AVEN: variants seen among roughly 807,000 people sequenced by gnomAD.
AVEN encodes the protein apoptosis and caspase activation inhibitor.
A neutral mutation model predicts 38.1 loss-of-function variants in AVEN; 41 were observed. The ratio of observed to expected loss-of-function variants is 1.08; its 90% CI spans 0.84 to 1.40. The LOEUF (loss-of-function observed/expected upper bound fraction) is 1.40, where lower values mean the gene tolerates loss of function less well. Ranked by LOEUF, AVEN falls within the 40% of genes most tolerant of loss-of-function variation. The pLI is 0.00. For missense variants in AVEN, 605 were observed against 438.8 expected (o/e 1.38, Z -3.38); for synonymous variants, 206 against 171.8 (o/e 1.20, Z -1.56).
At chr15:33,862,491 G>C (rs1185741581), downstream of AVEN, among the ~76,000 whole-genome samples, 1 of 152,234 alleles carries the variant, frequency 6.6e-6, no homozygotes, top group African/African-American at 2.4e-5. Flanking sequence ...ACGGGTGTGA[G>C]CCACTGGGCT....
intron 2 of AVEN, chr15:33,991,219 T>C (rs1484430306): frequency 1.3e-5 from 2 of 152,100 alleles, no homozygotes; most frequent in African/African-American, 4.8e-5. Flanking sequence ...CAATAAAAAG[T>C]TTATAGAGAC....
At chr15:33,941,049 T>A (rs1184608110) in intron 2 of AVEN, among the ~76,000 whole-genome samples, 1 of 152,230 alleles carries the variant, frequency 6.6e-6, no homozygotes, top group East Asian at 1.9e-4. Flanking sequence ...TATCCCTCAT[T>A]CCTAATCAAT....
chr15:34,047,306 T>C (rs1029737545), intron 5 of AVEN, among the ~76,000 whole-genome samples: 2 of 152,172 alleles, frequency 1.3e-5, no homozygotes, highest in African/African-American at 4.8e-5. Context: ...CTGGATCTCC[T>C]GACCTGATGA....
chr15:33,940,548 C>CTT (rs573338724), intron 2 of AVEN, among the ~76,000 whole-genome samples: 5 of 146,154 alleles, frequency 3.4e-5, no homozygotes, highest in African/African-American at 1.2e-4. Context: ...TGTGAAATTC[C>CTT]TTTTTTTTTT....
chr15:33,871,903 A>G lies in AVEN; in HGVS notation c.517-873T>C, dbSNP rs185268740. Among the ~76,000 whole-genome samples, 360 of 152,334 alleles carry G rather than the reference A, an allele frequency of 2.4e-3. 1 individual carries two copies. The highest frequency in any genetic ancestry group is 4.1e-3 in the Non-Finnish European group (277 of 68,036). ...GCTGCAGTGAATTGCTTTTAATACT[A>G]AACTGTGAATTTTAAAAATAGGTTT... On this transcript the variant is annotated intron_variant, in intron 3 of 5. Coordinates refer to ENST00000306730, the MANE Select transcript of AVEN (RefSeq NM_020371.3).
At chr15:33,855,818 T>G (rs1038234282), downstream of AVEN, 1 of 152,184 alleles carries the variant, frequency 6.6e-6, no homozygotes, top group Non-Finnish European at 1.5e-5. Flanking sequence ...TGGATATTGA[T>G]GAGACTGGAT....
chr15:33,942,543 C>T lies in AVEN; in HGVS notation c.445+60489G>A, dbSNP rs143247495. ...TCTGCTCACTGCAAGCTCCGCCCCC[C>T]GGATTCACGCCATTCTCCTGCCTCA... On this transcript the variant is annotated intron_variant, in intron 2 of 5. Transcript: ENST00000306730. Among the ~76,000 whole-genome samples the T allele has an allele frequency of 1.0e-3, 157 of 152,158 alleles. 1 individual carries two copies. The highest frequency in any genetic ancestry group is 3.5e-3 in the African/African-American group (147 of 41,502).
At chr15:33,926,636 C>A (rs1413094703) in intron 2 of AVEN, among the ~76,000 whole-genome samples, 2 of 152,118 alleles carry the variant, frequency 1.3e-5, no homozygotes, top group Non-Finnish European at 2.9e-5. Context: ...CATAACCAGA[C>A]CCTGTCTCTA....
chr15:33,920,912 A>C (rs1234334423), intron 2 of AVEN, among the ~76,000 whole-genome samples: 1 of 152,052 alleles, frequency 6.6e-6, no homozygotes, highest in African/African-American at 2.4e-5. Flanking sequence ...AGCAGCTGGG[A>C]CCACAGGCGC....
downstream of AVEN, chr15:33,864,250 G>GTAGGGCA: frequency 7.6e-7 from 1 of 1,310,478 alleles, no homozygotes; most frequent in Non-Finnish European, 1.1e-6. Context: ...TTGAGACTTA[G>GTAGGGCA]TAGGGCATAG....
At chr15:33,854,946 C>G (rs749408833), downstream of AVEN, 12 of 1,581,590 alleles carry the variant, frequency 7.6e-6, no homozygotes, top group South Asian at 1.2e-5. Flanking sequence ...CAGAATGGAC[C>G]TGTATATGCA....
At chr15:33,908,969 C>T (rs548300839) in intron 2 of AVEN, among the ~76,000 whole-genome samples, 1 of 152,270 alleles carries the variant, frequency 6.6e-6, no homozygotes, top group Non-Finnish European at 1.5e-5. Context: ...TTGCTGAATT[C>T]TGAAGCTGCT....
At chr15:33,902,960 A>G (rs1892549047) in intron 2 of AVEN, among the ~76,000 whole-genome samples, 1 of 152,186 alleles carries the variant, frequency 6.6e-6, no homozygotes, top group African/African-American at 2.4e-5. Context: ...AGCAAATGCC[A>G]TCTAATGGAG....
At chr15:34,006,798 A>G (rs963717004) in intron 1 of AVEN, among the ~76,000 whole-genome samples, 2 of 152,214 alleles carry the variant, frequency 1.3e-5, no homozygotes, top group Non-Finnish European at 2.9e-5. Context: ...GTAATATAAT[A>G]ATAAAAAAGT....
In AVEN at chr15:33,866,526, A is replaced by G. The variant is rs776544518; in HGVS notation, c.*87T>C. 117 of 933,624 alleles carry G rather than the reference A, an allele frequency of 1.3e-4. No homozygotes were observed. The highest frequency in any genetic ancestry group is 1.6e-4 in the Non-Finnish European group (97 of 588,554). 57.8% of individuals were successfully genotyped at this position (933,624 alleles called of 1,614,324 possible). On this transcript the variant is annotated 3_prime_UTR_variant, in exon 6 of 6. Transcript: ENST00000306730. ...ACACACTAGCTTGAGACATGCTTGT[A>G]AACTGGCTGGTCCTGAAGGACAGCC...
downstream of AVEN, among the ~76,000 whole-genome samples, chr15:33,862,667 G>A (rs753626561): frequency 1.3e-5 from 2 of 152,080 alleles, no homozygotes; most frequent in Admixed American, 1.3e-4. Flanking sequence ...CTGAAGTGCA[G>A]TGGCGCCATC....
At chr15:34,008,386 C>A (rs533776931) in intron 1 of AVEN, among the ~76,000 whole-genome samples, 1 of 149,456 alleles carries the variant, frequency 6.7e-6, no homozygotes, top group African/African-American at 2.5e-5. Flanking sequence ...TGCCACTGCA[C>A]TGAAGCCTGG....
chr15:33,882,464 T>G (rs1891527570), intron 2 of AVEN, among the ~76,000 whole-genome samples: 1 of 152,138 alleles, frequency 6.6e-6, no homozygotes, highest in Admixed American at 6.5e-5. Flanking sequence ...TTTGTTGTAT[T>G]TTGAAAGTCA....
Position 33,981,352 on chromosome 15 carries a change from G to A in AVEN, c.445+21680C>T, listed in dbSNP as rs1186142425. Among the ~76,000 whole-genome samples the A allele has an allele frequency of 5.9e-5, 9 of 152,112 alleles. 1 individual carries two copies. In the East Asian group the frequency reaches 9.6e-4, roughly 16 times the overall value. ...TCCTGCGTACTAATATATTTTTTCC[G>A]GACTTTTCAGTTTAAATGAAACAAG... is the stretch of plus-strand genomic sequence containing the variant. On this transcript the variant is annotated intron_variant, in intron 2 of 5. Transcript: ENST00000306730.
Sources: gnomAD v4.1 joint callset for allele counts (sites outside exome capture counted in the v4.1 genomes callset) on GRCh38, gnomAD v4.1.1 for gene constraint, MANE v1.5 for transcripts, NCBI Gene and HGNC (gene_info 2026-07-23, HGNC 2026-07-21) for gene names.